The following RBFOX1 variants were observed in gnomAD, a reference collection of about 807,000 sequenced individuals.
The protein encoded by RBFOX1 is RNA binding fox-1 homolog 1, also known as RNA binding protein fox-1 homolog 1.
Under a neutral mutation model 57.7 loss-of-function variants are expected in RBFOX1, and 8 were observed. The ratio of observed to expected loss-of-function variants is 0.14; its 90% CI spans 0.08 to 0.25. The LOEUF is 0.25. RBFOX1 is among the 10% of genes least tolerant of loss of function. The probability of loss-of-function intolerance (pLI) is 1.00; values close to 1 mark genes in which losing one functional copy is unlikely to be tolerated. For synonymous variants in RBFOX1, 326 were observed against 222.4 expected, an observed-to-expected ratio of 1.47 and a Z score of -4.15; for missense variants, 611 against 548.5, an observed-to-expected ratio of 1.11 and a Z score of -1.14.
intron 5 of RBFOX1, among the ~76,000 whole-genome samples, chr16:7,566,487 A>G (rs10163372): frequency 0.56 from 85,255 of 151,930 alleles, 24,084 homozygotes; most frequent in East Asian, 0.67. Context: ...AGGATACGGA[A>G]TTAGATATCC....
chr16:6,598,380 T>C (rs2097800220), intron 2 of RBFOX1, among the ~76,000 whole-genome samples: 2 of 152,218 alleles, frequency 1.3e-5, no homozygotes, highest in Admixed American at 1.3e-4. Flanking sequence ...AGTAGATGTT[T>C]AGGTAGATGT....
At chr16:6,286,768 C>A (rs2076946890) in intron 1 of RBFOX1, among the ~76,000 whole-genome samples, 2 of 152,112 alleles carry the variant, frequency 1.3e-5, no homozygotes, top group South Asian at 2.1e-4. Context: ...TCAGCCTAGC[C>A]AGTAGGTCTT....
intron 3 of RBFOX1, among the ~76,000 whole-genome samples, chr16:5,611,066 C>G (rs182265979): frequency 6.6e-6 from 1 of 152,278 alleles, no homozygotes; most frequent in East Asian, 1.9e-4. Context: ...CAGCAGACAA[C>G]TAGAGCATCA....
rs187130386 is a variant in RBFOX1 at position 7,109,633 on chromosome 16, G to A, written c.27+57535G>A. 4.6e-5 allele frequency among the ~76,000 whole-genome samples: 7 copies of A among 152,264 alleles called. No individual in the cohort carries two copies. In the East Asian group the frequency reaches 1.4e-3, roughly 29 times the overall value. ...CCAGTTTTAGGGGAAAGGGCTCTAAGAGTAGAGACATCCATATAGGCGCAG... is the reference window on the plus strand; with the variant it reads ...CCAGTTTTAGGGGAAAGGGCTCTAAAAGTAGAGACATCCATATAGGCGCAG... On this transcript the variant is annotated intron_variant, in intron 4 of 15. Transcript: ENST00000550418.
chr16:7,127,024 A>T (rs1247867790), intron 4 of RBFOX1, among the ~76,000 whole-genome samples: 4 of 151,934 alleles, frequency 2.6e-5, no homozygotes, highest in African/African-American at 9.7e-5. Context: ...AAAAAAAAAA[A>T]AAAAATTATT....
chr16:6,513,413 T>C (rs1323376665), intron 2 of RBFOX1, among the ~76,000 whole-genome samples: 1 of 152,254 alleles, frequency 6.6e-6, no homozygotes, highest in East Asian at 1.9e-4. Context: ...AGAGAGCACA[T>C]TGGACTCATG....
chr16:6,620,940 T>C (rs1020450064), intron 2 of RBFOX1, among the ~76,000 whole-genome samples: 2 of 152,210 alleles, frequency 1.3e-5, no homozygotes, highest in African/African-American at 2.4e-5. Context: ...AAAATTTTAT[T>C]CTCTCACAAT....
chr16:6,470,863 A>G (rs1167128198), intron 2 of RBFOX1, among the ~76,000 whole-genome samples: 1 of 152,072 alleles, frequency 6.6e-6, no homozygotes, highest in Non-Finnish European at 1.5e-5. Flanking sequence ...AATTCTATTT[A>G]TCAAATATTT....
At chr16:6,879,620 C>G (rs538580714) in intron 3 of RBFOX1, among the ~76,000 whole-genome samples, 2 of 152,308 alleles carry the variant, frequency 1.3e-5, no homozygotes, top group South Asian at 2.1e-4. Flanking sequence ...ATCAATATGT[C>G]ATGCGATGTT....
chr16:5,608,204 G>A (rs1043041283), intron 3 of RBFOX1, among the ~76,000 whole-genome samples: 3 of 152,156 alleles, frequency 2.0e-5, no homozygotes, highest in Non-Finnish European at 2.9e-5. Flanking sequence ...CACCCCGGGG[G>A]CAAGTGTGGT....
chr16:6,816,461 G>C (rs180729980), intron 3 of RBFOX1, among the ~76,000 whole-genome samples: 1 of 150,356 alleles, frequency 6.7e-6, no homozygotes, highest in African/African-American at 2.5e-5. Context: ...GGTCTTGTTG[G>C]CCGGGTGTGG....
chr16:5,917,038 G>A (rs760224920), intron 4 of RBFOX1, among the ~76,000 whole-genome samples: 1 of 152,134 alleles, frequency 6.6e-6, no homozygotes, highest in Non-Finnish European at 1.5e-5. Flanking sequence ...CTTCCACTGA[G>A]TCGCCCTTTC....
chr16:6,159,577 G>T (rs2096862924), intron 1 of RBFOX1, among the ~76,000 whole-genome samples: 1 of 152,178 alleles, frequency 6.6e-6, no homozygotes, highest in Non-Finnish European at 1.5e-5. Flanking sequence ...ATAAAGACTT[G>T]TTGAATGGAG....
chr16:7,492,256 G>T (rs1049824215), intron 4 of RBFOX1, among the ~76,000 whole-genome samples: 6 of 152,140 alleles, frequency 3.9e-5, no homozygotes, highest in African/African-American at 1.4e-4. Flanking sequence ...CAAATAAAAG[G>T]AATGCAGATT....
At chr16:5,322,877 T>C (rs1188791064) in intron 1 of RBFOX1, among the ~76,000 whole-genome samples, 1 of 152,224 alleles carries the variant, frequency 6.6e-6, no homozygotes, top group Non-Finnish European at 1.5e-5. Context: ...GTCATACTGA[T>C]TGTTTTCAGT....
intron 3 of RBFOX1, among the ~76,000 whole-genome samples, chr16:7,008,202 C>G (rs552219970): frequency 6.6e-6 from 1 of 151,944 alleles, no homozygotes; most frequent in Non-Finnish European, 1.5e-5. Context: ...ATATTTTTGG[C>G]GAATTGGCTT....
At chr16:7,537,260 A>T (rs905528808) in intron 5 of RBFOX1, among the ~76,000 whole-genome samples, 1 of 152,240 alleles carries the variant, frequency 6.6e-6, no homozygotes, top group Non-Finnish European at 1.5e-5. Context: ...GTTGGAGTCA[A>T]TATCAAATGA....
chr16:6,724,800 G>A (rs1332947503), intron 3 of RBFOX1, among the ~76,000 whole-genome samples: 1 of 151,978 alleles, frequency 6.6e-6, no homozygotes, highest in Non-Finnish European at 1.5e-5. Flanking sequence ...ATAAGTAAAT[G>A]TGTACCATTG....
chr16:7,019,531 CTCT>C (rs2094101020), intron 3 of RBFOX1, among the ~76,000 whole-genome samples: 2 of 152,216 alleles, frequency 1.3e-5, no homozygotes, highest in South Asian at 4.1e-4. Flanking sequence ...CCTCTCTCTC[CTCT>C]TGTTTGTGCT....
Sources: allele counts gnomAD v4.1 joint callset (sites outside exome capture counted in the v4.1 genomes callset), GRCh38; gene constraint gnomAD v4.1.1; transcripts MANE v1.5; gene names NCBI Gene and HGNC (gene_info 2026-07-23, HGNC 2026-07-21).